The following FMNL2 variants were observed in gnomAD, a reference collection of about 807,000 sequenced individuals.
FMNL2 encodes formin-like protein 2.
Under a neutral mutation model 130.2 loss-of-function variants are expected in FMNL2, and 51 were observed. The ratio of observed to expected loss-of-function variants is 0.39; its 90% CI spans 0.31 to 0.49. The LOEUF is 0.49. Ranked by LOEUF, FMNL2 falls within the 20% of genes least tolerant of loss-of-function variation. The pLI, the probability that FMNL2 is intolerant of heterozygous loss-of-function variation, is 0.85. For synonymous variants in FMNL2, 465 were observed against 467.1 expected, an observed-to-expected ratio of 1.00 and a Z score of 0.06; for missense variants, 977 against 1,316.2, an observed-to-expected ratio of 0.74 and a Z score of 3.99.
chr2:152,628,171 G>A (rs3811570), intron 17 of FMNL2, 128 bp from the exon 18 acceptor site: 364,030 of 770,910 alleles, frequency 0.47, 90,007 homozygotes, highest in East Asian at 0.82. Flanking sequence ...TCTTAGACTC[G>A]TTGATTTGGT....
chr2:152,580,876 A>G (rs979264209), intron 8 of FMNL2, 80 bp from the exon 9 acceptor site: 2 of 1,262,162 alleles, frequency 1.6e-6, no homozygotes, highest in South Asian at 1.3e-5. Flanking sequence ...TTTTATTCTC[A>G]TGTATCTTGG....
At chr2:152,640,138 C>A in intron 24 of FMNL2, 82 bp downstream of exon 24, 2 of 1,254,490 alleles carry the variant, frequency 1.6e-6, no homozygotes, top group East Asian at 2.6e-5. Flanking sequence ...AAAGGACCAG[C>A]AAGCCAGGTG....
chr2:152,413,794 A>T (rs958791772), intron 1 of FMNL2, among the ~76,000 whole-genome samples: 1 of 152,220 alleles, frequency 6.6e-6, no homozygotes, highest in South Asian at 2.1e-4. Flanking sequence ...CTAACACTGC[A>T]TGGAGGCAAA....
At chr2:152,581,886 G>A (rs1696807481) in intron 9 of FMNL2, among the ~76,000 whole-genome samples, 1 of 152,152 alleles carries the variant, frequency 6.6e-6, no homozygotes, top group Non-Finnish European at 1.5e-5. Flanking sequence ...AATGCTTTTG[G>A]ATTAAGACCC....
At chr2:152,603,049 T>C (rs1487840614) in intron 9 of FMNL2, among the ~76,000 whole-genome samples, 1 of 152,224 alleles carries the variant, frequency 6.6e-6, no homozygotes, top group Non-Finnish European at 1.5e-5. Flanking sequence ...GATTGTAGTG[T>C]ACACTTGTTT....
intron 6 of FMNL2, 26 bp downstream of exon 6, chr2:152,561,061 C>G (rs1334221849): frequency 6.4e-7 from 1 of 1,564,230 alleles, no homozygotes; most frequent in Non-Finnish European, 8.7e-7. Context: ...CAGGAGGCAA[C>G]TTTGGCAGGA....
intron 9 of FMNL2, among the ~76,000 whole-genome samples, chr2:152,589,406 A>G (rs1353845142): frequency 2.0e-5 from 3 of 152,204 alleles, no homozygotes; most frequent in African/African-American, 7.2e-5. Flanking sequence ...TCTAAAATGC[A>G]TGCCCTTTGC....
Position 152,437,475 on chromosome 2 carries a change from C to A in FMNL2, c.118-84468C>A, listed in dbSNP as rs112147282. On this transcript the variant is annotated intron_variant, in intron 1 of 25. Coordinates refer to ENST00000288670, the MANE Select transcript of FMNL2 (RefSeq NM_052905.4). ...GGTAGAAGAATAATAATGCACCCCC[C>A]CTGCGGTGAAAAAGATGCTCTAGCC... 9.0e-3 allele frequency among the ~76,000 whole-genome samples: 1,368 copies of A among 152,300 alleles called. 19 individuals are homozygous for A. The highest frequency in any genetic ancestry group is 0.031 in the African/African-American group (1,292 of 41,570).
At chr2:152,627,207 A>G (rs1425792128) in intron 17 of FMNL2, among the ~76,000 whole-genome samples, 1 of 152,202 alleles carries the variant, frequency 6.6e-6, no homozygotes, top group African/African-American at 2.4e-5. Flanking sequence ...CCAGATGCAA[A>G]TATGATACAG....
At chr2:152,401,671 G>T (rs11892662) in intron 1 of FMNL2, among the ~76,000 whole-genome samples, 78,339 of 151,868 alleles carry the variant, frequency 0.52, 21,436 homozygotes, top group South Asian at 0.68. Context: ...CAGTGGAGGG[G>T]AGGCTGTTGA....
chr2:152,452,545 C>A (rs1423675640), intron 1 of FMNL2, among the ~76,000 whole-genome samples: 1 of 144,618 alleles, frequency 6.9e-6, no homozygotes, highest in Admixed American at 6.9e-5. Context: ...CCTCCCCCCC[C>A]TAGTTTTCTT....
chr2:152,453,533 C>G (rs1688773066), intron 1 of FMNL2, among the ~76,000 whole-genome samples: 1 of 152,134 alleles, frequency 6.6e-6, no homozygotes, highest in Non-Finnish European at 1.5e-5. Context: ...TGCTGCCCAG[C>G]CTTCTGGCTG....
chr2:152,412,449 TATATATATATATATATATATATATATA>T (rs1558840745), intron 1 of FMNL2, among the ~76,000 whole-genome samples: 810 of 10,340 alleles, frequency 0.078, 38 homozygotes, highest in East Asian at 0.3. Flanking sequence ...GTATATTTTA[TATATATATATATATATATATATATATA>T]TATATATATA....
At chr2:152,481,039 C>T (rs1690490774) in intron 1 of FMNL2, among the ~76,000 whole-genome samples, 2 of 152,196 alleles carry the variant, frequency 1.3e-5, no homozygotes, top group South Asian at 4.1e-4. Flanking sequence ...TCTTAGTCTG[C>T]AGATTTGAAG....
At chr2:152,341,893 A>T (rs1347182248) in intron 1 of FMNL2, among the ~76,000 whole-genome samples, 1 of 152,220 alleles carries the variant, frequency 6.6e-6, no homozygotes, top group Non-Finnish European at 1.5e-5. Flanking sequence ...AGTTATTCAG[A>T]TAATCTGTGT....
intron 3 of FMNL2, among the ~76,000 whole-genome samples, chr2:152,546,361 G>T (rs939563917): frequency 6.6e-6 from 1 of 152,080 alleles, no homozygotes; most frequent in African/African-American, 2.4e-5. Context: ...GGGGGAGCGG[G>T]TGTGTCACAT....
At chr2:152,415,520 C>T (rs1686562468) in intron 1 of FMNL2, among the ~76,000 whole-genome samples, 1 of 152,238 alleles carries the variant, frequency 6.6e-6, no homozygotes, top group Non-Finnish European at 1.5e-5. Context: ...CTGTTTTCTC[C>T]TGCCTGATGT....
intron 1 of FMNL2, among the ~76,000 whole-genome samples, chr2:152,519,055 C>T (rs1692930996): frequency 6.6e-6 from 1 of 152,096 alleles, no homozygotes; most frequent in East Asian, 1.9e-4. Flanking sequence ...TTTTTCAGCT[C>T]CTTAAATGTG....
intron 25 of FMNL2, chr2:152,643,752 T>C (rs1189238209): frequency 1.0e-6 from 1 of 985,338 alleles, no homozygotes; most frequent in Non-Finnish European, 1.2e-6. Context: ...TCTGGGTGTG[T>C]TTGACAGCTG....
Sources: gnomAD v4.1 joint callset for allele counts (sites outside exome capture counted in the v4.1 genomes callset) on GRCh38, gnomAD v4.1.1 for gene constraint, MANE v1.5 for transcripts, NCBI Gene and HGNC (gene_info 2026-07-23, HGNC 2026-07-21) for gene names.